The following FOXK1 variants were observed in gnomAD, a reference collection of about 807,000 sequenced individuals.
FOXK1 encodes forkhead box K1.
A neutral mutation model predicts 51.9 loss-of-function variants in FOXK1; 19 were observed. The ratio of observed to expected loss-of-function variants is 0.37; its 90% CI spans 0.26 to 0.54. The LOEUF (loss-of-function observed/expected upper bound fraction) is 0.54. Among genes scored for constraint, FOXK1 ranks in the 20% least tolerant of loss-of-function variants. FOXK1 has a pLI of 0.87. For missense variants in FOXK1, 870 were observed against 1,032.7 expected (o/e 0.84, Z 2.16); for synonymous variants, 537 against 482.6 (o/e 1.11, Z -1.48).
At position 4,705,951 on chromosome 7, in the gene FOXK1, T is replaced by C. The variant is rs1170208585; in HGVS notation, c.560+23083T>C. ...ATCATTTCCAACTTTCAAAATTATA[T>C]ATATATATGTATATATATATACGTA... is the stretch of plus-strand genomic sequence containing the variant. On this transcript the variant is annotated intron_variant, in intron 1 of 8. Transcript: ENST00000328914. Among the ~76,000 whole-genome samples the C allele has an allele frequency of 5.5e-5, 7 of 127,188 alleles. 1 individual carries two copies. Among genetic ancestry groups the C allele is most frequent in the Non-Finnish European group, 1.1e-4 (7 of 64,514 alleles). 83.4% of individuals were successfully genotyped at this position (127,188 alleles called of 152,430 possible). A position where few individuals can be genotyped will look rare whatever the true frequency, so the allele number is the denominator to read the frequency against.
chr7:4,686,858 T>C (rs1481299324), intron 1 of FOXK1, among the ~76,000 whole-genome samples: 3 of 144,394 alleles, frequency 2.1e-5, no homozygotes, highest in African/African-American at 7.7e-5. Context: ...TCTTCGGTTA[T>C]GGGGAGGGGG....
chr7:4,744,092 G>C (rs12701913), intron 2 of FOXK1, among the ~76,000 whole-genome samples: 82,386 of 151,736 alleles, frequency 0.54, 23,011 homozygotes, highest in East Asian at 0.85. Context: ...TTGAAAGAAA[G>C]AAAAATGTTT....
Position 4,759,507 on chromosome 7 carries a change from C to A in FOXK1, c.1608C>A (p.Asn536Lys). ...TCACCACATCTGCCAACTCGGCCAA[C>A]GGATACATCCTCACCAGCCAGGGCG... ...RVVTTSANSA[N>K]GYILTSQGAA... The change falls in exon 7 of 9, where the codon AAC becomes AAA. Residue 536 changes from asparagine to lysine, a missense_variant. This residue lies in a region of FOXK1 where 457 missense variants were observed against 510.8 expected (regional missense o/e 0.89). Coordinates refer to ENST00000328914, the MANE Select transcript of FOXK1 (RefSeq NM_001037165.2). 6.4e-7 allele frequency: 1 copy of A among 1,574,796 alleles called. No homozygotes were observed. The highest frequency in any genetic ancestry group is 8.6e-7 in the Non-Finnish European group (1 of 1,166,544).
rs114766800 is a variant in FOXK1, at chr7:4,764,315, G to A, written c.*1851G>A. 0.032 allele frequency: 4,866 copies of A among 154,442 alleles called. 262 individuals are homozygous for A. The highest frequency in any genetic ancestry group is 0.11 in the African/African-American group (4,610 of 41,586). The allele number at this position is 154,442 out of a possible 1,614,324, so 9.6% of individuals were successfully genotyped here. A position where few individuals can be genotyped will look rare whatever the true frequency, so the allele number is the denominator to read the frequency against. ...GTCCCGTTGTTTTTCTAAGCCCCCC[G>A]AATTGAGTCGTTTCTATGGCACTAA... On this transcript the variant is annotated 3_prime_UTR_variant, in exon 9 of 9. Coordinates refer to ENST00000328914, the MANE Select transcript of FOXK1 (RefSeq NM_001037165.2).
At chr7:4,701,617 G>T (rs545869944) in intron 1 of FOXK1, among the ~76,000 whole-genome samples, 2 of 152,316 alleles carry the variant, frequency 1.3e-5, no homozygotes, top group East Asian at 3.9e-4. Context: ...AAAAGGCCAG[G>T]CGCAGTGGCT....
At chr7:4,750,703 C>T (rs547987460) in intron 2 of FOXK1, among the ~76,000 whole-genome samples, 3 of 147,152 alleles carry the variant, frequency 2.0e-5, no homozygotes, top group East Asian at 3.9e-4. Context: ...CCGCCTCGGT[C>T]TCCCATCTTT....
In FOXK1 at chr7:4,730,893, G is replaced by A. The variant is rs563424937; in HGVS notation, c.561-9945G>A. On this transcript the variant is annotated intron_variant, in intron 1 of 8. Coordinates refer to ENST00000328914, the MANE Select transcript of FOXK1 (RefSeq NM_001037165.2). This position sits in a 1 kb window ranked among gnomAD's most constrained non-coding sequence, Gnocchi z 4.7. ...TCAAAACCATTTCCTGAGGATGGGC[G>A]CGGTGGCTCACTCCTGCAATCCCAG... 1.4e-4 allele frequency among the ~76,000 whole-genome samples: 22 copies of A among 152,286 alleles called. No individual in the cohort carries two copies. Among genetic ancestry groups the A allele is most frequent in the African/African-American group, 4.6e-4 (19 of 41,558 alleles).
At chr7:4,760,225 G>A (rs1362284387) in intron 7 of FOXK1, among the ~76,000 whole-genome samples, 1 of 152,174 alleles carries the variant, frequency 6.6e-6, no homozygotes, top group Non-Finnish European at 1.5e-5. Flanking sequence ...CGACTCCCTC[G>A]TAAGTTAAAG....
intron 2 of FOXK1, among the ~76,000 whole-genome samples, chr7:4,750,403 G>A (rs112499196): frequency 0.012 from 1,891 of 151,964 alleles, 45 homozygotes; most frequent in African/African-American, 0.042. Context: ...TCTCATTCCC[G>A]CAGGAGGAAA....
At chr7:4,688,311 T>C (rs116746369) in intron 1 of FOXK1, among the ~76,000 whole-genome samples, 6,045 of 151,484 alleles carry the variant, frequency 0.04, 404 homozygotes, top group African/African-American at 0.14. Flanking sequence ...ACCTAAAAAA[T>C]GAATAATAAT....
chr7:4,759,387 C>T lies in FOXK1; in HGVS notation c.1488C>T (p.Ala496=). ...CCAGCCTCGTGGCCAAGCCCGTGGC[C>T]TACATGCCCGCCTCCATCGTAACCT... ...RPSSLVAKPV[A]YMPASIVTSQ... The change falls in exon 7 of 9, where the codon GCC becomes GCT. Residue 496 remains alanine (A), a synonymous_variant. Transcript: ENST00000328914. 1 of 1,602,320 alleles carries T rather than the reference C, an allele frequency of 6.2e-7. No individual in the cohort carries two copies. Among genetic ancestry groups the T allele is most frequent in the South Asian group, 1.1e-5 (1 of 90,660 alleles).
At chr7:4,684,667 G>GC (rs973890001) in intron 1 of FOXK1, among the ~76,000 whole-genome samples, 2 of 152,072 alleles carry the variant, frequency 1.3e-5, no homozygotes, top group African/African-American at 2.4e-5. Flanking sequence ...GGCTCCCCAG[G>GC]CCCCCCTTAG....
intron 1 of FOXK1, among the ~76,000 whole-genome samples, chr7:4,714,538 GT>G (rs1780211261): frequency 6.6e-6 from 1 of 152,236 alleles, no homozygotes; most frequent in Non-Finnish European, 1.5e-5. Flanking sequence ...GCCTCCCAGA[GT>G]GTTGGGATTA....
In FOXK1 at chr7:4,761,834, G is replaced by A. The variant is rs1016546206; in HGVS notation, c.1922-350G>A. Reference sequence around the variant, plus strand: ...AGTTGGGGTGCTGGGGTGCAAGGGTGCTGGGCGGGGGTGCAGGGTACCAGG... The same window carrying A: ...AGTTGGGGTGCTGGGGTGCAAGGGTACTGGGCGGGGGTGCAGGGTACCAGG... On this transcript the variant is annotated intron_variant, in intron 8 of 8. Coordinates refer to ENST00000328914, the MANE Select transcript of FOXK1 (RefSeq NM_001037165.2). The surrounding 1 kb of genome is among the most constrained non-coding windows in gnomAD (Gnocchi z 6.2). Among the ~76,000 whole-genome samples, 1 of 152,130 alleles carries A rather than the reference G, an allele frequency of 6.6e-6. No individual in the cohort carries two copies. The highest frequency in any genetic ancestry group is 2.4e-5 in the African/African-American group (1 of 41,408).
Position 4,761,343 on chromosome 7 carries a change from AGTC to A in FOXK1, c.1921+56_1921+58del. 2.0e-6 allele frequency: 3 copies of A among 1,523,020 alleles called. No homozygotes were observed. The highest frequency in any genetic ancestry group is 2.7e-6 in the Non-Finnish European group (3 of 1,117,140). The allele number at this position is 1,523,020 out of a possible 1,614,324, so 94.3% of individuals were successfully genotyped here. ...CATCCCAAGCTCTGTGGCTCCCAGTAGTCAGTGCGGCATGAGAATGTTCTCCCA... is the reference window on the plus strand; with the variant it reads ...CATCCCAAGCTCTGTGGCTCCCAGTAAGTGCGGCATGAGAATGTTCTCCCA... On this transcript the variant is annotated intron_variant, in intron 8 of 8. Coordinates refer to ENST00000328914, the MANE Select transcript of FOXK1 (RefSeq NM_001037165.2). This position sits in a 1 kb window ranked among gnomAD's most constrained non-coding sequence, Gnocchi z 6.2.
intron 1 of FOXK1, among the ~76,000 whole-genome samples, chr7:4,688,124 TATC>T (rs1779843642): frequency 6.6e-6 from 1 of 152,194 alleles, no homozygotes; most frequent in African/African-American, 2.4e-5. Context: ...CTTCAGCAGC[TATC>T]ATCTTGTGGC....
rs1258289588 is a variant in FOXK1 at position 4,707,343 on chromosome 7, A to G, written c.560+24475A>G. 1.3e-5 allele frequency among the ~76,000 whole-genome samples: 2 copies of G among 152,242 alleles called. No individual in the cohort carries two copies. The highest frequency in any genetic ancestry group is 1.3e-4 in the Admixed American group (2 of 15,290). On this transcript the variant is annotated intron_variant, in intron 1 of 8. Coordinates refer to ENST00000328914, the MANE Select transcript of FOXK1 (RefSeq NM_001037165.2). This position sits in a 1 kb window ranked among gnomAD's most constrained non-coding sequence, Gnocchi z 4.1. ...GATGAATGGGCCATCCGGGATAAAC[A>G]GATGGGACGGAGAGTGCAATTTACA...
intron 1 of FOXK1, among the ~76,000 whole-genome samples, chr7:4,716,507 C>CA (rs201379872): frequency 1.1e-4 from 17 of 149,796 alleles, no homozygotes; most frequent in African/African-American, 2.2e-4. Flanking sequence ...CCCTGTGTCC[C>CA]AAAAAAAAAG....
In FOXK1 at chr7:4,721,778, A is replaced by T. The variant is rs939979994; in HGVS notation, c.561-19060A>T. On this transcript the variant is annotated intron_variant, in intron 1 of 8. Transcript: ENST00000328914. ...GCTAATTCTTGCATTTTTAGTATAG[A>T]CAGAGTTTCACCGTATTGACCAGGC... 3.3e-5 allele frequency among the ~76,000 whole-genome samples: 5 copies of T among 150,650 alleles called. No individual in the cohort carries two copies. The East Asian group carries it at 5.9e-4, about 18-fold the overall frequency.
Sources: allele counts gnomAD v4.1 joint callset (sites outside exome capture counted in the v4.1 genomes callset), GRCh38; gene constraint gnomAD v4.1.1; regional missense constraint gnomAD v4.1.1; non-coding constraint Gnocchi (gnomAD v3.1); transcripts MANE v1.5; gene names NCBI Gene and HGNC (gene_info 2026-07-23, HGNC 2026-07-21).